CCDC50: variants seen among roughly 807,000 people sequenced by gnomAD.
CCDC50 encodes the protein coiled-coil domain-containing protein 50.
CCDC50 carries 54 observed loss-of-function variants against 70.2 expected under a neutral mutation model. That is an observed-to-expected ratio of 0.77 (90% CI 0.62 to 0.96). The LOEUF is 0.96. Among genes scored for constraint, CCDC50 ranks in the 50% least tolerant of loss-of-function variants. CCDC50 has a pLI of 0.00. For missense variants in CCDC50, 558 were observed against 578.7 expected (o/e 0.96, Z 0.37); for synonymous variants, 216 against 198.8 (o/e 1.09, Z -0.73).
At chr3:191,344,570 C>G (rs1291456970) in intron 1 of CCDC50, among the ~76,000 whole-genome samples, 1 of 151,648 alleles carries the variant, frequency 6.6e-6, no homozygotes, top group Non-Finnish European at 1.5e-5. Context: ...ATGTCATTTC[C>G]TTTTGTTTGT....
chr3:191,347,741 T>G (rs1162000298), intron 1 of CCDC50, among the ~76,000 whole-genome samples: 1 of 141,878 alleles, frequency 7.0e-6, no homozygotes, highest in African/African-American at 2.5e-5. Context: ...AAATTCCAGG[T>G]GAAGGAATTT....
intron 1 of CCDC50, among the ~76,000 whole-genome samples, chr3:191,355,866 A>G (rs540697661): frequency 1.9e-4 from 29 of 152,284 alleles, no homozygotes; most frequent in Non-Finnish European, 3.1e-4. Context: ...TTTCAAAATA[A>G]TCTTGACCTC....
intron 1 of CCDC50, among the ~76,000 whole-genome samples, chr3:191,352,963 T>C (rs138371514): frequency 1.6e-5 from 2 of 128,374 alleles, no homozygotes; most frequent in Non-Finnish European, 3.4e-5. Context: ...GATCCAGCTT[T>C]ATTTTTTTTT....
chr3:191,350,828 T>G lies in CCDC50; in HGVS notation c.50-6260T>G, dbSNP rs142737726. 7.0e-5 allele frequency among the ~76,000 whole-genome samples: 10 copies of G among 142,150 alleles called. No homozygotes were observed. The East Asian group carries it at 1.9e-3, about 27-fold the overall frequency. The allele number at this position is 142,150 out of a possible 152,430, so 93.3% of individuals were successfully genotyped here. A position where few individuals can be genotyped will look rare whatever the true frequency, so the allele number is the denominator to read the frequency against. ...AATCTTGTGCAGAGCTTTTAAACTT[T>G]TGAGCAGAGTTAGTTTAGCAAAATG... On this transcript the variant is annotated intron_variant, in intron 1 of 11. Transcript: ENST00000392455.
intron 4 of CCDC50, among the ~76,000 whole-genome samples, chr3:191,368,902 C>T (rs969129207): frequency 2.0e-5 from 3 of 152,088 alleles, no homozygotes; most frequent in Non-Finnish European, 4.4e-5. Context: ...TAGAAGTAAT[C>T]TTCAGATTCA....
rs148745704 is a variant in CCDC50 at position 191,359,625 on chromosome 3, G to A, written c.240-1444G>A. On this transcript the variant is annotated intron_variant, in intron 3 of 11. Transcript: ENST00000392455. Reference sequence around the variant, plus strand: ...TTAAGAGATGGTGAGGCTTGAATGAGGACAGTGGTGACAGAGAGGAAGGAG... The same window carrying A: ...TTAAGAGATGGTGAGGCTTGAATGAAGACAGTGGTGACAGAGAGGAAGGAG... 2.4e-3 allele frequency among the ~76,000 whole-genome samples: 369 copies of A among 152,168 alleles called. 5 individuals are homozygous for A. Among genetic ancestry groups the A allele is most frequent in the African/African-American group, 8.4e-3 (348 of 41,514 alleles).
intron 6 of CCDC50, 91 bp downstream of exon 6, chr3:191,375,680 T>C (rs1713089131): frequency 1.8e-6 from 2 of 1,127,474 alleles, no homozygotes; most frequent in Non-Finnish European, 1.2e-6. Context: ...AACCTTTCTT[T>C]CTCTCTAGTT....
chr3:191,389,964 G>T (rs1253343156), intron 11 of CCDC50, among the ~76,000 whole-genome samples: 1 of 145,170 alleles, frequency 6.9e-6, no homozygotes, highest in Non-Finnish European at 1.5e-5. Context: ...GGGTTCAAGT[G>T]ATCCTTCCAT....
intron 3 of CCDC50, 149 bp from the exon 4 acceptor site, chr3:191,360,920 T>G (rs1712464560): frequency 1.6e-6 from 1 of 614,300 alleles, no homozygotes; most frequent in African/African-American, 1.9e-5. Flanking sequence ...TGTGACCGTG[T>G]CAGCCTCTTT....
chr3:191,355,750 C>G (rs1304605306), intron 1 of CCDC50, among the ~76,000 whole-genome samples: 1 of 152,214 alleles, frequency 6.6e-6, no homozygotes, highest in Non-Finnish European at 1.5e-5. Flanking sequence ...ACAGGGCTTT[C>G]TGTTCGAATT....
intron 1 of CCDC50, among the ~76,000 whole-genome samples, chr3:191,352,593 C>T (rs1028681533): frequency 7.0e-6 from 1 of 142,192 alleles, no homozygotes; most frequent in Non-Finnish European, 1.6e-5. Flanking sequence ...AGACTGAATT[C>T]CATCGTACAT....
At chr3:191,356,993 GA>G in intron 1 of CCDC50, 94 bp from the exon 2 acceptor site, 5 of 786,650 alleles carry the variant, frequency 6.4e-6, no homozygotes, top group Non-Finnish European at 1.1e-5. Flanking sequence ...TATTAGAATT[GA>G]TTTTTTTTAA....
chr3:191,343,383 ATATCTC>A (rs576154094), intron 1 of CCDC50, among the ~76,000 whole-genome samples: 77 of 152,370 alleles, frequency 5.1e-4, no homozygotes, highest in African/African-American at 1.8e-3. Context: ...TATTCACTGA[ATATCTC>A]AAAGAGCCAG....
chr3:191,390,738 C>G (rs1253509665), intron 11 of CCDC50, among the ~76,000 whole-genome samples: 2 of 152,162 alleles, frequency 1.3e-5, no homozygotes, highest in South Asian at 2.1e-4. Context: ...TTACCAAAGC[C>G]TGTTTTATCA....
intron 7 of CCDC50, 131 bp downstream of exon 7, chr3:191,380,405 G>A: frequency 1.4e-6 from 1 of 738,514 alleles, no homozygotes; most frequent in Non-Finnish European, 2.4e-6. Context: ...GAAAAATCAT[G>A]ACAATAGGAA....
At position 191,396,992 on chromosome 3, in the gene CCDC50, C is replaced by T. The variant is rs896973145; in HGVS notation, c.*5232C>T. Reference sequence around the variant, plus strand: ...AATGTTTTTTCTCTTTTTGAGTTAACTTCATAGCATAGAGAACCAGCACTG... The same window carrying T: ...AATGTTTTTTCTCTTTTTGAGTTAATTTCATAGCATAGAGAACCAGCACTG... On this transcript the variant is annotated 3_prime_UTR_variant, in exon 12 of 12. Coordinates refer to ENST00000392455, the MANE Select transcript of CCDC50 (RefSeq NM_178335.3). The T allele has an allele frequency of 1.3e-5, 2 of 152,162 alleles. No homozygotes were observed. Among genetic ancestry groups the T allele is most frequent in the African/African-American group, 2.4e-5 (1 of 41,446 alleles). 9.4% of individuals were successfully genotyped at this position (152,162 alleles called of 1,614,324 possible).
rs1015626154 is a variant in CCDC50 at position 191,393,345 on chromosome 3, A to G, written c.*1585A>G. ...TTTCAATATGGCATTTGTTTAGGGA[A>G]AAAATATGTAGGTCACTAGAGAAAA... On this transcript the variant is annotated 3_prime_UTR_variant, in exon 12 of 12. Coordinates refer to ENST00000392455, the MANE Select transcript of CCDC50 (RefSeq NM_178335.3). The G allele has an allele frequency of 2.6e-5, 4 of 152,164 alleles. No homozygotes were observed. Among genetic ancestry groups the G allele is most frequent in the Admixed American group, 6.5e-5 (1 of 15,270 alleles). The allele number at this position is 152,164 out of a possible 1,614,324, so 9.4% of individuals were successfully genotyped here. A position where few individuals can be genotyped will look rare whatever the true frequency, so the allele number is the denominator to read the frequency against.
chr3:191,375,727 T>A (rs2108663502), intron 6 of CCDC50, 138 bp downstream of exon 6: 1 of 923,496 alleles, frequency 1.1e-6, no homozygotes, highest in East Asian at 2.6e-5. Context: ...TAGAGCAACA[T>A]ATTATAAAAG....
intron 10 of CCDC50, among the ~76,000 whole-genome samples, chr3:191,383,872 A>G (rs889937211): frequency 2.6e-5 from 4 of 152,208 alleles, no homozygotes; most frequent in African/African-American, 9.6e-5. Flanking sequence ...AGGTTAGTAC[A>G]TTCCCAAAGT....
Sources: gnomAD v4.1 joint callset for allele counts (sites outside exome capture counted in the v4.1 genomes callset) on GRCh38, gnomAD v4.1.1 for gene constraint, MANE v1.5 for transcripts, NCBI Gene and HGNC (gene_info 2026-07-23, HGNC 2026-07-21) for gene names.